Variants in KIAA1549L observed in about 807,000 individuals in gnomAD.
KIAA1549L encodes KIAA1549 like.
In KIAA1549L, 88 loss-of-function variants were observed where a neutral mutation model predicts 160.7. That is an observed-to-expected ratio of 0.55 (90% CI 0.46 to 0.65). The LOEUF is 0.65. Among genes scored for constraint, KIAA1549L ranks in the 30% least tolerant of loss-of-function variants. The pLI, the probability that KIAA1549L is intolerant of heterozygous loss-of-function variation, is 0.00. For missense variants in KIAA1549L, 2,258 were observed against 2,437.5 expected (o/e 0.93, Z 1.55); for synonymous variants, 950 against 976.7 (o/e 0.97, Z 0.51).
At chr11:33,623,704 G>C (rs1410111162) in intron 16 of KIAA1549L, among the ~76,000 whole-genome samples, 2 of 152,148 alleles carry the variant, frequency 1.3e-5, no homozygotes, top group Non-Finnish European at 1.5e-5. Flanking sequence ...GTGGGGAGTG[G>C]GAGGTGGGAT....
At chr11:33,562,593 G>C (rs1356490756) in intron 8 of KIAA1549L, among the ~76,000 whole-genome samples, 1 of 151,780 alleles carries the variant, frequency 6.6e-6, no homozygotes, top group African/African-American at 2.4e-5. Flanking sequence ...CTCTGGGTCT[G>C]TCTGTATCCT....
intron 16 of KIAA1549L, 80 bp downstream of exon 16, chr11:33,618,742 T>C: frequency 7.9e-7 from 1 of 1,262,562 alleles, no homozygotes; most frequent in Non-Finnish European, 1.0e-6. Context: ...CACTGTGTTT[T>C]GGTTTACCAC....
chr11:33,643,258 A>G (rs1187847068), intron 16 of KIAA1549L, among the ~76,000 whole-genome samples: 1 of 152,016 alleles, frequency 6.6e-6, no homozygotes, highest in Non-Finnish European at 1.5e-5. Context: ...GCACTTATGT[A>G]TGTGTGTATA....
intron 15 of KIAA1549L, among the ~76,000 whole-genome samples, chr11:33,617,978 A>C (rs1386976640): frequency 6.6e-6 from 1 of 152,174 alleles, no homozygotes; most frequent in Non-Finnish European, 1.5e-5. Context: ...TGAATGGATA[A>C]GCCCCAAATT....
chr11:33,552,145 C>A lies in KIAA1549L; in HGVS notation c.3759C>A (p.Ser1253=). The A allele has an allele frequency of 6.2e-7, 1 of 1,613,364 alleles. No individual in the cohort carries two copies. The highest frequency in any genetic ancestry group is 8.5e-7 in the Non-Finnish European group (1 of 1,179,678). Residue 1253 remains serine (S), a synonymous_variant, in exon 6 of 21, where the codon TCC becomes TCA. Transcript: ENST00000658780. ...TGAGCCAAGCGGACAACATACAGTC[C>A]TGCAAGTTTGCTCAGACAATGGAAC... is the stretch of plus-strand genomic sequence containing the variant. ...QFVSQADNIQ[S]CKFAQTMEQR...
intron 19 of KIAA1549L, 26 bp downstream of exon 19, chr11:33,658,924 GC>G: frequency 6.6e-7 from 1 of 1,526,690 alleles, no homozygotes; most frequent in Non-Finnish European, 8.8e-7. Context: ...GCCCGAGTGT[GC>G]CCCCCACCAC....
chr11:33,464,474 A>ATGTGTGTGTGTGTGTG (rs3038997), intron 1 of KIAA1549L, among the ~76,000 whole-genome samples: 4 of 140,198 alleles, frequency 2.9e-5, no homozygotes, highest in South Asian at 2.4e-4. Flanking sequence ...CTGTGTGTGC[A>ATGTGTGTGTGTGTGTG]TGTGTGTGTG....
chr11:33,636,349 C>CTTTTTT (rs71034697), intron 16 of KIAA1549L, among the ~76,000 whole-genome samples: 1 of 136,134 alleles, frequency 7.3e-6, no homozygotes, highest in East Asian at 2.1e-4. Flanking sequence ...AATGAATCTT[C>CTTTTTT]TTTTTTTTTT....
At chr11:33,613,594 C>T (rs374252576) in intron 15 of KIAA1549L, among the ~76,000 whole-genome samples, 70 of 152,162 alleles carry the variant, frequency 4.6e-4, no homozygotes, top group South Asian at 1.0e-3. Context: ...CCAGATGTCG[C>T]GAGAACTCAT....
At chr11:33,595,170 A>G (rs969553458) in intron 12 of KIAA1549L, among the ~76,000 whole-genome samples, 1 of 152,184 alleles carries the variant, frequency 6.6e-6, no homozygotes, top group African/African-American at 2.4e-5. Flanking sequence ...AACTGATGAA[A>G]CAAATACAGA....
intron 3 of KIAA1549L, among the ~76,000 whole-genome samples, chr11:33,546,379 C>A (rs1197989564): frequency 6.6e-6 from 1 of 152,170 alleles, no homozygotes; most frequent in Non-Finnish European, 1.5e-5. Flanking sequence ...CAGCCCTGGC[C>A]CCTCAGAGGC....
At chr11:33,415,915 C>A (rs1850878975) in intron 1 of KIAA1549L, among the ~76,000 whole-genome samples, 2 of 151,934 alleles carry the variant, frequency 1.3e-5, no homozygotes, top group African/African-American at 4.8e-5. Context: ...TTCACTGCAA[C>A]CTCTGCCTCC....
chr11:33,658,679 C>T (rs778310697), intron 18 of KIAA1549L, 71 bp from the exon 19 acceptor site: 23 of 1,482,392 alleles, frequency 1.6e-5, no homozygotes, highest in Non-Finnish European at 1.9e-5. Flanking sequence ...GGTGACGGGG[C>T]GCACTCCTCC....
intron 1 of KIAA1549L, among the ~76,000 whole-genome samples, chr11:33,428,213 T>G (rs1851159727): frequency 6.6e-6 from 1 of 152,238 alleles, no homozygotes; most frequent in Admixed American, 6.5e-5. Flanking sequence ...TTGGACCAAG[T>G]GGCTGGGCCA....
chr11:33,526,548 G>A (rs958194130), intron 1 of KIAA1549L, among the ~76,000 whole-genome samples: 2 of 152,172 alleles, frequency 1.3e-5, no homozygotes, highest in Non-Finnish European at 2.9e-5. Context: ...TAGCCCCGCT[G>A]GGTGGCTAGA....
chr11:33,514,638 C>T (rs959818984), intron 1 of KIAA1549L, among the ~76,000 whole-genome samples: 2 of 152,210 alleles, frequency 1.3e-5, no homozygotes, highest in African/African-American at 4.8e-5. Context: ...TTTATGAACT[C>T]TTCATATACC....
chr11:33,585,759 C>G (rs980402125), intron 11 of KIAA1549L, among the ~76,000 whole-genome samples: 1 of 152,192 alleles, frequency 6.6e-6, no homozygotes, highest in African/African-American at 2.4e-5. Flanking sequence ...TAGCTTCTGG[C>G]TGGAAGGCTG....
In KIAA1549L at chr11:33,606,668, C is replaced by T. The variant is rs770760767; in HGVS notation, c.4907C>T (p.Ala1636Val). Residue 1636 changes from alanine to valine, a missense_variant, in exon 14 of 21, where the codon GCG (alanine) becomes GTG (valine). Coordinates refer to ENST00000658780, the MANE Select transcript of KIAA1549L (RefSeq NM_012194.3). ...CCAGCGAGTGACGAAGAGGAGGGAG[C>T]GGTTCTATTTGACAACTCCAGCAAG... ...NVPASDEEEG[A>V]VLFDNSSKVA... 1.6e-5 allele frequency: 26 copies of T among 1,613,726 alleles called. No homozygotes were observed. The East Asian group carries it at 1.8e-4, about 11-fold the overall frequency.
intron 1 of KIAA1549L, among the ~76,000 whole-genome samples, chr11:33,449,408 G>A (rs1029905338): frequency 2.4e-4 from 37 of 152,260 alleles, no homozygotes; most frequent in Admixed American, 2.3e-3. Context: ...GCCTGGAGAA[G>A]GAGGCAAGTC....
Sources: gnomAD v4.1 joint callset for allele counts (sites outside exome capture counted in the v4.1 genomes callset) on GRCh38, gnomAD v4.1.1 for gene constraint, MANE v1.5 for transcripts, NCBI Gene and HGNC (gene_info 2026-07-23, HGNC 2026-07-21) for gene names.